The following SYN3 variants were observed in gnomAD, a reference collection of about 807,000 sequenced individuals.
SYN3 encodes synapsin III, also known as synapsin-3.
A neutral mutation model predicts 65.8 loss-of-function variants in SYN3; 35 were observed. That is an observed-to-expected ratio of 0.53 (90% CI 0.41 to 0.70). The LOEUF (loss-of-function observed/expected upper bound fraction) is 0.70, where lower values mean the gene tolerates loss of function less well. Among genes scored for constraint, SYN3 ranks in the 30% least tolerant of loss-of-function variants. The pLI is 0.00. For synonymous variants in SYN3, 270 were observed against 292.9 expected, an observed-to-expected ratio of 0.92 and a Z score of 0.80; for missense variants, 680 against 749.0, an observed-to-expected ratio of 0.91 and a Z score of 1.08.
At chr22:32,718,988 T>C (rs1486143072) in intron 6 of SYN3, among the ~76,000 whole-genome samples, 1 of 152,224 alleles carries the variant, frequency 6.6e-6, no homozygotes, top group Non-Finnish European at 1.5e-5. Context: ...CCACTTCTTA[T>C]TCCAGGAAGT....
At chr22:32,854,769 G>A (rs12165603) in intron 6 of SYN3, among the ~76,000 whole-genome samples, 5,313 of 152,248 alleles carry the variant, frequency 0.035, 328 homozygotes, top group African/African-American at 0.12. Context: ...ACTTGGCTGC[G>A]TTACCGTGCT....
intron 6 of SYN3, among the ~76,000 whole-genome samples, chr22:32,627,487 C>G (rs183909409): frequency 2.6e-5 from 4 of 152,194 alleles, no homozygotes; most frequent in Admixed American, 2.0e-4. Context: ...TCTCTGGCAC[C>G]CAGGGATGCA....
intron 6 of SYN3, among the ~76,000 whole-genome samples, chr22:32,617,797 G>T (rs948952980): frequency 1.3e-5 from 2 of 151,922 alleles, no homozygotes; most frequent in Non-Finnish European, 2.9e-5. Flanking sequence ...CAGGGTTAGG[G>T]AGAGGAGGGG....
intron 6 of SYN3, among the ~76,000 whole-genome samples, chr22:32,665,885 C>A (rs956342060): frequency 6.6e-6 from 1 of 152,154 alleles, no homozygotes; most frequent in Non-Finnish European, 1.5e-5. Context: ...TGACCTCTCC[C>A]TGAATTTGTT....
intron 6 of SYN3, among the ~76,000 whole-genome samples, chr22:32,763,544 T>C (rs2045544196): frequency 6.6e-6 from 1 of 152,180 alleles, no homozygotes; most frequent in Non-Finnish European, 1.5e-5. Flanking sequence ...CCTACACTGT[T>C]TATTTCCATT....
rs137488 is a variant in SYN3, at chr22:32,865,142, T to C, written c.622-138A>G. ...GTGCTATCCTACCCTGCCTATAGGA[T>C]AAAGACCAGATTCCTTGGCTGGACA... On this transcript the variant is annotated intron_variant, in intron 5 of 13. Transcript: ENST00000358763. 2.6e-4 allele frequency: 173 copies of C among 667,110 alleles called. 1 individual carries two copies. The highest frequency in any genetic ancestry group is 1.7e-3 in the Admixed American group (70 of 40,368). 41.3% of individuals were successfully genotyped at this position (667,110 alleles called of 1,614,324 possible).
intron 12 of SYN3, among the ~76,000 whole-genome samples, chr22:32,526,256 GGTATGTCTGTACACAGTT>G (rs1208275162): frequency 6.6e-6 from 1 of 152,016 alleles, no homozygotes; most frequent in Non-Finnish European, 1.5e-5. Flanking sequence ...ATATCTCTGA[GGTATGTCTGTACACAGTT>G]GTGTACAATT....
intron 6 of SYN3, among the ~76,000 whole-genome samples, chr22:32,633,993 T>C (rs1046734781): frequency 2.0e-5 from 3 of 151,986 alleles, no homozygotes; most frequent in Non-Finnish European, 4.4e-5. Context: ...ACAGCCTACT[T>C]AGAGGACCAT....
chr22:32,525,671 A>G (rs570388871), intron 12 of SYN3, among the ~76,000 whole-genome samples: 60 of 151,570 alleles, frequency 4.0e-4, no homozygotes, highest in African/African-American at 1.3e-3. Context: ...AGATCACGCC[A>G]TAGCACTCCA....
At chr22:32,843,229 G>A (rs1467645831) in intron 6 of SYN3, among the ~76,000 whole-genome samples, 5 of 152,318 alleles carry the variant, frequency 3.3e-5, no homozygotes, top group East Asian at 3.9e-4. Flanking sequence ...ACATGCACAC[G>A]TTGCTTGGCA....
At chr22:32,585,423 A>T (rs964091345) in intron 7 of SYN3, among the ~76,000 whole-genome samples, 2 of 152,186 alleles carry the variant, frequency 1.3e-5, no homozygotes, top group African/African-American at 4.8e-5. Context: ...AGACTTTCTA[A>T]TGCACTTTTA....
chr22:32,531,994 A>AT (rs34233779), intron 10 of SYN3, among the ~76,000 whole-genome samples: 974 of 143,560 alleles, frequency 6.8e-3, no homozygotes, highest in South Asian at 0.02. Context: ...ATGAACACAG[A>AT]TTTTTTTTTT....
chr22:32,611,224 A>G (rs2059437674), intron 6 of SYN3, among the ~76,000 whole-genome samples: 1 of 149,510 alleles, frequency 6.7e-6, no homozygotes, highest in Non-Finnish European at 1.5e-5. Context: ...TTTCCGTCTC[A>G]TCCACTGTTG....
At chr22:32,887,011 A>T (rs138044329) in intron 4 of SYN3, among the ~76,000 whole-genome samples, 13 of 151,172 alleles carry the variant, frequency 8.6e-5, no homozygotes, top group Admixed American at 2.0e-4. Context: ...GCTACGTCAG[A>T]TAAGTCTCAG....
intron 6 of SYN3, among the ~76,000 whole-genome samples, chr22:32,757,294 CTTTTT>C (rs148259174): frequency 8.8e-6 from 1 of 113,184 alleles, no homozygotes; most frequent in Non-Finnish European, 1.8e-5. Context: ...CTCCTCCTAC[CTTTTT>C]TTTTTTTTTT....
At chr22:33,028,341 C>A (rs981958806) in intron 1 of SYN3, among the ~76,000 whole-genome samples, 5 of 152,204 alleles carry the variant, frequency 3.3e-5, no homozygotes, top group Admixed American at 6.5e-5. Flanking sequence ...AGCGCCTAGC[C>A]CCGAAGCCAT....
intron 6 of SYN3, chr22:32,833,857 G>A (rs1021182371): frequency 4.0e-6 from 2 of 500,928 alleles, no homozygotes; most frequent in African/African-American, 4.0e-5. Flanking sequence ...GATCATGCAT[G>A]GAAAGTGCCT....
rs778270739 is a variant in SYN3 at position 32,779,235 on chromosome 22, G to A, written c.711+85680C>T. On this transcript the variant is annotated intron_variant, in intron 6 of 13. Coordinates refer to ENST00000358763, the MANE Select transcript of SYN3 (RefSeq NM_003490.4). ...AGCACTTTGGGAGGCCGAGGTGGGT[G>A]GATCACTTGAGGTCAGGAGTTTGAG... Among the ~76,000 whole-genome samples the A allele has an allele frequency of 5.1e-4, 78 of 152,190 alleles. 1 individual carries two copies. Among genetic ancestry groups the A allele is most frequent in the Non-Finnish European group, 5.4e-4 (37 of 68,012 alleles).
intron 6 of SYN3, among the ~76,000 whole-genome samples, chr22:32,717,775 G>T (rs141802863): frequency 6.2e-4 from 94 of 152,216 alleles, no homozygotes; most frequent in South Asian, 1.9e-3. Context: ...GAGTCAGACT[G>T]CTGGAGTCTG....
Sources: allele counts gnomAD v4.1 joint callset (sites outside exome capture counted in the v4.1 genomes callset), GRCh38; gene constraint gnomAD v4.1.1; transcripts MANE v1.5; gene names NCBI Gene and HGNC (gene_info 2026-07-23, HGNC 2026-07-21).